Variants in DMTN observed in about 807,000 individuals in gnomAD.
DMTN encodes the protein dematin.
A neutral mutation model predicts 59.4 loss-of-function variants in DMTN; 27 were observed. That is an observed-to-expected ratio of 0.45 (90% CI 0.33 to 0.63). The LOEUF (loss-of-function observed/expected upper bound fraction) is 0.63, where lower values mean the gene tolerates loss of function less well. Among genes scored for constraint, DMTN ranks in the 20% least tolerant of loss-of-function variants. The pLI is 0.02. For synonymous variants in DMTN, 221 were observed against 203.7 expected (o/e 1.08, Z -0.72); for missense variants, 451 against 528.9 (o/e 0.85, Z 1.45).
Position 22,067,701 on chromosome 8 carries a change from G to C in DMTN, c.249+19G>C. ...CCGCGAGGTGAGGGGGCTCCTCTTG[G>C]GCAGGACTCCGGGGGAGGCCCCCCC... On this transcript the variant is annotated intron_variant, in intron 4 of 15. Coordinates refer to ENST00000358242, the MANE Select transcript of DMTN (RefSeq NM_001387751.1). 1 of 1,612,046 alleles carries C rather than the reference G, an allele frequency of 6.2e-7. No homozygotes were observed. Among genetic ancestry groups the C allele is most frequent in the Non-Finnish European group, 8.5e-7 (1 of 1,179,708 alleles).
rs1814259575 is a variant in DMTN at position 22,070,236 on chromosome 8, A to T, written c.506A>T (p.Glu169Val). The change falls in exon 8 of 16, where the codon GAG becomes GTG. Residue 169 changes from glutamate to valine, a missense_variant. By Grantham distance (121) the Glu-to-Val change is moderately radical. Coordinates refer to ENST00000358242, the MANE Select transcript of DMTN (RefSeq NM_001387751.1). ...TKHLIEDLII[E>V]SSKFPAAQPP... ...CACCTCATCGAGGATCTCATCATCGAGTCATCCAAGTTTCCTGCAGCCCAG... is the reference window on the plus strand; with the variant it reads ...CACCTCATCGAGGATCTCATCATCGTGTCATCCAAGTTTCCTGCAGCCCAG... 6.2e-7 allele frequency: 1 copy of T among 1,612,312 alleles called. No individual in the cohort carries two copies. Among genetic ancestry groups the T allele is most frequent in the African/African-American group, 1.3e-5 (1 of 74,818 alleles).
intron 4 of DMTN, 101 bp from the exon 5 acceptor site, chr8:22,068,915 G>T: frequency 1.5e-6 from 2 of 1,362,742 alleles, no homozygotes; most frequent in Non-Finnish European, 1.0e-6. Context: ...GGCCAGGAAA[G>T]TGTGCGGCTT....
At chr8:22,066,937 G>T (rs1811118519) in intron 2 of DMTN, 44 bp downstream of exon 2, 2 of 1,234,464 alleles carry the variant, frequency 1.6e-6, no homozygotes, top group Non-Finnish European at 1.0e-6. Context: ...GGGCGGGTGG[G>T]GGCCGCTTGG....
Position 22,070,480 on chromosome 8 carries a change from G to C in DMTN, c.604+146G>C, listed in dbSNP as rs796828915. 10 of 991,804 alleles carry C rather than the reference G, an allele frequency of 1.0e-5. 1 individual carries two copies. The African/African-American group carries it at 1.5e-4, about 15-fold the overall frequency. 61.4% of individuals were successfully genotyped at this position (991,804 alleles called of 1,614,324 possible). On this transcript the variant is annotated intron_variant, in intron 8 of 15. Coordinates refer to ENST00000358242, the MANE Select transcript of DMTN (RefSeq NM_001387751.1). Reference sequence around the variant, plus strand: ...TTTTCCTACCTTCAGGAGCCCCCAGGCTCCTTGCTCACTCACTCTCTGTGT... The same window carrying C: ...TTTTCCTACCTTCAGGAGCCCCCAGCCTCCTTGCTCACTCACTCTCTGTGT...
upstream of DMTN, chr8:22,054,836 G>C (rs1046887212): frequency 6.6e-6 from 1 of 152,184 alleles, no homozygotes; most frequent in Non-Finnish European, 1.5e-5. Context: ...AAGAGGCAGC[G>C]GGAGGCACAG....
chr8:22,074,269 G>GTTGT (rs112430649), intron 10 of DMTN, among the ~76,000 whole-genome samples: 115,031 of 151,102 alleles, frequency 0.76, 44,719 homozygotes, highest in East Asian at 0.97. Context: ...GTGGTTGTTT[G>GTTGT]TTGTTTGTTT....
intron 10 of DMTN, among the ~76,000 whole-genome samples, chr8:22,075,756 T>A (rs1445863618): frequency 6.6e-6 from 1 of 152,138 alleles, no homozygotes; most frequent in Non-Finnish European, 1.5e-5. Context: ...TGACCTCAGG[T>A]GATCCACCTG....
chr8:22,050,230 G>A (rs530496895), upstream of DMTN, among the ~76,000 whole-genome samples: 174 of 152,196 alleles, frequency 1.1e-3, 1 homozygote, highest in Non-Finnish European at 1.4e-3. Flanking sequence ...CTTAACGGGG[G>A]CAACACCCAG....
rs1485517567 is a variant in DMTN, at chr8:22,060,494, C to T, written c.-172+3358C>T. 1.3e-5 allele frequency among the ~76,000 whole-genome samples: 2 copies of T among 152,182 alleles called. No homozygotes were observed. The highest frequency in any genetic ancestry group is 2.9e-5 in the Non-Finnish European group (2 of 68,048). ...ACACTCTTCTCCACCCCCATTTTCC[C>T]GGCTGGCCTTCTGACAGCTTAAAAT... On this transcript the variant is annotated intron_variant, in intron 1 of 15. Coordinates refer to ENST00000358242, the MANE Select transcript of DMTN (RefSeq NM_001387751.1). The surrounding 1 kb of genome is among the most constrained non-coding windows in gnomAD (Gnocchi z 5.0).
intron 1 of DMTN, among the ~76,000 whole-genome samples, chr8:22,065,956 T>C (rs1420270365): frequency 6.9e-6 from 1 of 143,936 alleles, no homozygotes; most frequent in East Asian, 2.3e-4. Flanking sequence ...TCCTCTCACC[T>C]CAGCCTCCCG....
intron 10 of DMTN, among the ~76,000 whole-genome samples, chr8:22,076,076 G>A (rs558775901): frequency 6.6e-6 from 1 of 152,280 alleles, no homozygotes; most frequent in Admixed American, 6.5e-5. Context: ...TTTTTGTCTT[G>A]GGTGCTGGGT....
rs1368027349 is a variant in DMTN, at chr8:22,081,830, G to C, written c.*367G>C. The C allele has an allele frequency of 2.1e-6, 1 of 473,828 alleles. No individual in the cohort carries two copies. Among genetic ancestry groups the C allele is most frequent in the Admixed American group, 2.3e-5 (1 of 42,980 alleles). 29.4% of individuals were successfully genotyped at this position (473,828 alleles called of 1,614,324 possible). Reference sequence around the variant, plus strand: ...TGAACAGCTGGAGGGAAGATGCAGGGGTGGGAAGCGGCCAGGCAGAAAGAG... The same window carrying C: ...TGAACAGCTGGAGGGAAGATGCAGGCGTGGGAAGCGGCCAGGCAGAAAGAG... On this transcript the variant is annotated 3_prime_UTR_variant, in exon 16 of 16. Coordinates refer to ENST00000358242, the MANE Select transcript of DMTN (RefSeq NM_001387751.1).
intron 8 of DMTN, among the ~76,000 whole-genome samples, chr8:22,070,812 C>A (rs1814749948): frequency 6.6e-6 from 1 of 152,000 alleles, no homozygotes; most frequent in Non-Finnish European, 1.5e-5. Flanking sequence ...AAGCAATTTC[C>A]CATCACCACC....
At chr8:22,074,287 T>TGTTA (rs34528242) in intron 10 of DMTN, among the ~76,000 whole-genome samples, 1 of 151,784 alleles carries the variant, frequency 6.6e-6, no homozygotes, top group Non-Finnish European at 1.5e-5. Context: ...TTTGTTTGTT[T>TGTTA]TATTGAGACA....
chr8:22,075,427 C>A (rs1446233761), intron 10 of DMTN, among the ~76,000 whole-genome samples: 1 of 151,574 alleles, frequency 6.6e-6, no homozygotes, highest in African/African-American at 2.4e-5. Flanking sequence ...TGGCTGACTG[C>A]AACCTCTATC....
At chr8:22,078,882 C>T (rs972679484) in intron 10 of DMTN, among the ~76,000 whole-genome samples, 4 of 142,654 alleles carry the variant, frequency 2.8e-5, no homozygotes, top group Non-Finnish European at 4.5e-5. Context: ...CTGCAAGGTC[C>T]GCCTCCCAGG....
chr8:22,055,400 G>A (rs540829572), upstream of DMTN: 1 of 152,488 alleles, frequency 6.6e-6, no homozygotes, highest in East Asian at 1.9e-4. Flanking sequence ...TGGGGCTGGG[G>A]CTTCCCCTCT....
intron 4 of DMTN, among the ~76,000 whole-genome samples, chr8:22,068,558 C>T (rs1371843772): frequency 1.3e-5 from 2 of 148,868 alleles, no homozygotes; most frequent in Non-Finnish European, 3.0e-5. Flanking sequence ...CAGAGTGAGA[C>T]TATAAGAAAG....
In DMTN at chr8:22,072,650, T is replaced by C. The variant is rs560744815; in HGVS notation, c.729+200T>C. Among the ~76,000 whole-genome samples the C allele has an allele frequency of 2.9e-3, 418 of 146,036 alleles. 1 individual carries two copies. The highest frequency in any genetic ancestry group is 5.1e-3 in the Non-Finnish European group (338 of 65,970). On this transcript the variant is annotated intron_variant, in intron 9 of 15. Transcript: ENST00000358242. ...CAGCTAATTTTTTTTTTTTTTTGTA[T>C]TTTTAATAGAGATAAGGTTTTGCCG...
Sources: allele counts gnomAD v4.1 joint callset (sites outside exome capture counted in the v4.1 genomes callset), GRCh38; gene constraint gnomAD v4.1.1; non-coding constraint Gnocchi (gnomAD v3.1); transcripts MANE v1.5; gene names NCBI Gene and HGNC (gene_info 2026-07-23, HGNC 2026-07-21).